The following CDK18 variants were observed in gnomAD, a reference collection of about 807,000 sequenced individuals.
CDK18 encodes the protein cyclin-dependent kinase 18.
In CDK18, 52 loss-of-function variants were observed where a neutral mutation model predicts 62.0. The observed-to-expected ratio is 0.84, with a 90% CI of 0.67 to 1.06. The LOEUF (loss-of-function observed/expected upper bound fraction) is 1.06, where lower values mean the gene tolerates loss of function less well. Among genes scored for constraint, CDK18 ranks in the 50% least tolerant of loss-of-function variants. The pLI is 0.00. For synonymous variants in CDK18, 237 were observed against 247.0 expected (o/e 0.96, Z 0.38); for missense variants, 604 against 619.9 (o/e 0.97, Z 0.27).
Position 205,529,105 on chromosome 1 carries a change from C to T in CDK18, c.1072+9C>T. On this transcript the variant is annotated intron_variant, in intron 11 of 15. Coordinates refer to ENST00000429964, the MANE Select transcript of CDK18 (RefSeq NM_212502.3). Reference sequence around the variant, plus strand: ...CATCTTTCGCCTCCTCGGTCAGTCTCCCGCTGCTCCGTCCCTCTCACCACC... The same window carrying T: ...CATCTTTCGCCTCCTCGGTCAGTCTTCCGCTGCTCCGTCCCTCTCACCACC... 3 of 1,564,148 alleles carry T rather than the reference C, an allele frequency of 1.9e-6. No individual in the cohort carries two copies. The highest frequency in any genetic ancestry group is 2.6e-6 in the Non-Finnish European group (3 of 1,152,676).
rs914549795 is a variant in CDK18, at chr1:205,527,601, C to T, written c.730-193C>T. On this transcript the variant is annotated intron_variant, in intron 8 of 15. Coordinates refer to ENST00000429964, the MANE Select transcript of CDK18 (RefSeq NM_212502.3). This position sits in a 1 kb window ranked among gnomAD's most constrained non-coding sequence, Gnocchi z 4.1. ...CCCCACACTCACTGCGTCCTCTGCA[C>T]CCCTGCTGTCCTCCCCTCTGGATGG... 2 of 607,322 alleles carry T rather than the reference C, an allele frequency of 3.3e-6. No homozygotes were observed. The highest frequency in any genetic ancestry group is 3.7e-5 in the African/African-American group (2 of 53,784). 37.6% of individuals were successfully genotyped at this position (607,322 alleles called of 1,614,324 possible).
intron 1 of CDK18, among the ~76,000 whole-genome samples, chr1:205,507,153 C>T (rs1018588252): frequency 1.3e-5 from 2 of 152,172 alleles, no homozygotes; most frequent in African/African-American, 4.8e-5. Context: ...TCTACCTGTC[C>T]TCTGATTCCT....
In CDK18 at chr1:205,517,713, C is replaced by T. The variant is rs1039679980; in HGVS notation, c.-21-5434C>T. On this transcript the variant is annotated intron_variant, in intron 1 of 15. Transcript: ENST00000429964. This position sits in a 1 kb window ranked among gnomAD's most constrained non-coding sequence, Gnocchi z 4.1. ...CTGCAGAGCTCTTTGCCTCCACCTTCAAAATATAGCCCAAATCCAGCCACT... is the reference window on the plus strand; with the variant it reads ...CTGCAGAGCTCTTTGCCTCCACCTTTAAAATATAGCCCAAATCCAGCCACT... 6.6e-6 allele frequency among the ~76,000 whole-genome samples: 1 copy of T among 151,988 alleles called. No homozygotes were observed. Among genetic ancestry groups the T allele is most frequent in the Non-Finnish European group, 1.5e-5 (1 of 68,016 alleles).
Position 205,528,974 on chromosome 1 carries a change from C to T in CDK18, c.975-25C>T, listed in dbSNP as rs1668583749. 6.6e-7 allele frequency: 1 copy of T among 1,517,984 alleles called. No individual in the cohort carries two copies. The highest frequency in any genetic ancestry group is 9.0e-7 in the Non-Finnish European group (1 of 1,117,146). The allele number at this position is 1,517,984 out of a possible 1,614,324, so 94.0% of individuals were successfully genotyped here. A position where few individuals can be genotyped will look rare whatever the true frequency, so the allele number is the denominator to read the frequency against. ...AAGGGCGGCCGCCCCTGCCTGATGC[C>T]GACCCTACCCCTTGCTCCTCGCAGG... On this transcript the variant is annotated intron_variant, in intron 10 of 15. Transcript: ENST00000429964. The surrounding 1 kb of genome is among the most constrained non-coding windows in gnomAD (Gnocchi z 4.2).
rs1668734616 is a variant in CDK18, at chr1:205,531,450, G to C, written c.*72G>C. The stretch of plus-strand genomic sequence containing the variant: ...CACAAATTCGGGTAGGATGGAGCCT[G>C]TGTGGCCCTCGGAGGACTGAAGAAC... On this transcript the variant is annotated 3_prime_UTR_variant, in exon 16 of 16. Coordinates refer to ENST00000429964, the MANE Select transcript of CDK18 (RefSeq NM_212502.3). The C allele has an allele frequency of 2.1e-6, 3 of 1,425,774 alleles. No homozygotes were observed. Among genetic ancestry groups the C allele is most frequent in the Non-Finnish European group, 3.0e-6 (3 of 1,007,938 alleles). 88.3% of individuals were successfully genotyped at this position (1,425,774 alleles called of 1,614,324 possible).
chr1:205,512,378 C>T (rs1435754764), intron 1 of CDK18, among the ~76,000 whole-genome samples: 1 of 152,218 alleles, frequency 6.6e-6, no homozygotes, highest in Non-Finnish European at 1.5e-5. Flanking sequence ...GAGTGGAATC[C>T]GAGGCCCAGG....
chr1:205,525,325 G>A, intron 5 of CDK18, 130 bp downstream of exon 5: 1 of 582,380 alleles, frequency 1.7e-6, no homozygotes, highest in East Asian at 2.8e-5. Flanking sequence ...GCCCCATAGA[G>A]GTGCACAGTC....
chr1:205,527,484 G>GA lies in CDK18; in HGVS notation c.730-294dup, dbSNP rs397982726. ...ACAGAGTAAAACCCTGACTCTAAAA[G>GA]AAAAAAAAAAAAAAAAGGGATCAAG... is the stretch of plus-strand genomic sequence containing the variant. On this transcript the variant is annotated intron_variant, in intron 8 of 15. Transcript: ENST00000429964. The surrounding 1 kb of genome is among the most constrained non-coding windows in gnomAD (Gnocchi z 4.1). The GA allele has an allele frequency of 0.16, 29,841 of 189,488 alleles. 1,623 individuals carry two copies. The highest frequency in any genetic ancestry group is 0.2 in the South Asian group (2,220 of 11,326). The allele number at this position is 189,488 out of a possible 1,614,324, so 11.7% of individuals were successfully genotyped here. A position where few individuals can be genotyped will look rare whatever the true frequency, so the allele number is the denominator to read the frequency against.
At chr1:205,510,260 G>T (rs568247537) in intron 1 of CDK18, among the ~76,000 whole-genome samples, 66 of 152,036 alleles carry the variant, frequency 4.3e-4, no homozygotes, top group Middle Eastern at 3.4e-3. Flanking sequence ...CTCTTCTCTG[G>T]CCCCAGCCAC....
intron 1 of CDK18, among the ~76,000 whole-genome samples, chr1:205,515,173 A>ATTTTTTTTTTTT (rs34027094): frequency 8.5e-6 from 1 of 117,766 alleles, no homozygotes; most frequent in African/African-American, 3.3e-5. Context: ...GCTTTGAAGG[A>ATTTTTTTTTTTT]TTTTTTTTTT....
chr1:205,530,508 A>G, intron 14 of CDK18, 120 bp from the exon 15 acceptor site: 1 of 1,206,498 alleles, frequency 8.3e-7, no homozygotes, highest in South Asian at 1.3e-5. Context: ...TTCCAAATTG[A>G]GGGGGCAAAC....
intron 1 of CDK18, chr1:205,522,355 G>T (rs1490122335): frequency 6.6e-6 from 1 of 152,178 alleles, no homozygotes; most frequent in East Asian, 1.9e-4. Flanking sequence ...ATGGGAAGAG[G>T]CCTGCAGGGA....
chr1:205,506,209 G>A (rs1020240626), intron 1 of CDK18, among the ~76,000 whole-genome samples: 3 of 152,150 alleles, frequency 2.0e-5, no homozygotes, highest in African/African-American at 7.2e-5. Flanking sequence ...CTCCAGGTCC[G>A]GGTTTGCATC....
chr1:205,525,869 G>C (rs973432890), intron 5 of CDK18, among the ~76,000 whole-genome samples, 196 bp from the exon 6 acceptor site: 1 of 152,166 alleles, frequency 6.6e-6, no homozygotes, highest in East Asian at 1.9e-4. Flanking sequence ...GAGGAAGGAC[G>C]GATTCACTCC....
Position 205,529,110 on chromosome 1 carries a change from T to A in CDK18, c.1072+14T>A. On this transcript the variant is annotated intron_variant, in intron 11 of 15. Transcript: ENST00000429964. ...TTCGCCTCCTCGGTCAGTCTCCCGCTGCTCCGTCCCTCTCACCACCAGGGG... is the reference window on the plus strand; with the variant it reads ...TTCGCCTCCTCGGTCAGTCTCCCGCAGCTCCGTCCCTCTCACCACCAGGGG... 6.4e-7 allele frequency: 1 copy of A among 1,560,420 alleles called. No homozygotes were observed. The highest frequency in any genetic ancestry group is 8.7e-7 in the Non-Finnish European group (1 of 1,149,774).
chr1:205,526,509 C>A (rs757359671), intron 7 of CDK18, 48 bp downstream of exon 7: 2 of 1,456,118 alleles, frequency 1.4e-6, no homozygotes, highest in South Asian at 1.1e-5. Flanking sequence ...GTGGTGGAAA[C>A]GGGGTGTGGG....
At chr1:205,529,269 C>T (rs552765719) in intron 11 of CDK18, 55 bp from the exon 12 acceptor site, 1 of 1,507,146 alleles carries the variant, frequency 6.6e-7, no homozygotes, top group Admixed American at 1.7e-5. Flanking sequence ...CCTTTCAAGT[C>T]GGCCTTGGCC....
chr1:205,530,473 C>A, intron 14 of CDK18, 124 bp downstream of exon 14: 1 of 1,209,800 alleles, frequency 8.3e-7, no homozygotes. Flanking sequence ...CCCCGGGCAC[C>A]TTGCCTCCCC....
At chr1:205,519,516 C>T (rs1487402711) in intron 1 of CDK18, among the ~76,000 whole-genome samples, 2 of 152,138 alleles carry the variant, frequency 1.3e-5, no homozygotes, top group Non-Finnish European at 2.9e-5. Context: ...TCAGGAAATC[C>T]ATCCTACATC....
Sources: allele counts gnomAD v4.1 joint callset (sites outside exome capture counted in the v4.1 genomes callset), GRCh38; gene constraint gnomAD v4.1.1; non-coding constraint Gnocchi (gnomAD v3.1); transcripts MANE v1.5; gene names NCBI Gene and HGNC (gene_info 2026-07-23, HGNC 2026-07-21).